Variants in GDAP1L1 observed in about 807,000 individuals in gnomAD.
GDAP1L1 encodes the protein ganglioside-induced differentiation-associated protein 1-like 1.
Under a neutral mutation model 37.1 loss-of-function variants are expected in GDAP1L1, and 21 were observed. That is an observed-to-expected ratio of 0.57 (90% CI 0.40 to 0.81). The LOEUF (loss-of-function observed/expected upper bound fraction) is 0.81, where lower values mean the gene tolerates loss of function less well. GDAP1L1 is among the 40% of genes least tolerant of loss of function. The pLI is 0.00. For synonymous variants in GDAP1L1, 193 were observed against 209.1 expected, an observed-to-expected ratio of 0.92 and a Z score of 0.67; for missense variants, 362 against 491.6, an observed-to-expected ratio of 0.74 and a Z score of 2.49.
chr20:44,259,875 C>T (rs1291968316), intron 3 of GDAP1L1, among the ~76,000 whole-genome samples: 1 of 152,120 alleles, frequency 6.6e-6, no homozygotes, highest in East Asian at 1.9e-4. Context: ...GGGCAGGGGA[C>T]TGGGGACAAA....
chr20:44,261,999 A>G (rs1443080861), intron 3 of GDAP1L1, among the ~76,000 whole-genome samples: 2 of 152,228 alleles, frequency 1.3e-5, no homozygotes, highest in Admixed American at 6.5e-5. Flanking sequence ...ACATATTGGG[A>G]CAGGAACAGT....
chr20:44,260,544 C>T (rs1017803778), intron 3 of GDAP1L1, among the ~76,000 whole-genome samples: 11 of 152,074 alleles, frequency 7.2e-5, no homozygotes, highest in African/African-American at 2.4e-4. Flanking sequence ...CGTTTAAAAA[C>T]GTTTAATCTG....
chr20:44,273,617 C>T (rs965404320), intron 5 of GDAP1L1, among the ~76,000 whole-genome samples: 11 of 152,194 alleles, frequency 7.2e-5, no homozygotes, highest in African/African-American at 2.7e-4. Context: ...ACCTACTCAG[C>T]GCCTTCACCT....
At chr20:44,265,554 C>T in intron 5 of GDAP1L1, 4 of 877,802 alleles carry the variant, frequency 4.6e-6, no homozygotes, top group Non-Finnish European at 5.5e-6. Flanking sequence ...AGAGTTCCAG[C>T]TTTGCTGCCT....
At chr20:44,254,221 C>T (rs1218290374) in intron 1 of GDAP1L1, among the ~76,000 whole-genome samples, 1 of 152,206 alleles carries the variant, frequency 6.6e-6, no homozygotes, top group Non-Finnish European at 1.5e-5. Context: ...ATGGCACACA[C>T]TCACATGTAC....
intron 4 of GDAP1L1, 135 bp from the exon 5 acceptor site, chr20:44,264,310 G>T (rs1191966719): frequency 3.3e-6 from 4 of 1,229,130 alleles, no homozygotes; most frequent in Non-Finnish European, 4.1e-6. Flanking sequence ...TTCATAACGG[G>T]GGGGCATCCT....
At position 44,270,996 on chromosome 20, in the gene GDAP1L1, G is replaced by A. The variant is rs62205983; in HGVS notation, c.760+6437G>A. 1.5e-3 allele frequency among the ~76,000 whole-genome samples: 234 copies of A among 152,254 alleles called. 1 individual carries two copies. The highest frequency in any genetic ancestry group is 4.8e-3 in the African/African-American group (201 of 41,550). On this transcript the variant is annotated intron_variant, in intron 5 of 5. Coordinates refer to ENST00000342560, the MANE Select transcript of GDAP1L1 (RefSeq NM_024034.6). ...TCGCAGCTGAACCAGGCAAGGTCAC[G>A]TGCACTTGTAATTCCAGCTAGTTGG...
intron 5 of GDAP1L1, among the ~76,000 whole-genome samples, chr20:44,276,727 T>C (rs1478616370): frequency 6.6e-6 from 1 of 152,234 alleles, no homozygotes; most frequent in African/African-American, 2.4e-5. Flanking sequence ...GGCACAGTTC[T>C]AGATGCAGAG....
chr20:44,270,209 C>T (rs1409780949), intron 5 of GDAP1L1, among the ~76,000 whole-genome samples: 1 of 121,120 alleles, frequency 8.3e-6, no homozygotes, highest in Non-Finnish European at 1.6e-5. Flanking sequence ...CTCGCTCTGT[C>T]GCCCAGGCTG....
intron 1 of GDAP1L1, among the ~76,000 whole-genome samples, chr20:44,252,598 C>T (rs2073466415): frequency 6.6e-6 from 1 of 152,208 alleles, no homozygotes; most frequent in East Asian, 1.9e-4. Context: ...CGAGATTGCA[C>T]CACTGCACTC....
chr20:44,256,027 TAAAG>T (rs1314543716), intron 1 of GDAP1L1, among the ~76,000 whole-genome samples: 3 of 152,032 alleles, frequency 2.0e-5, no homozygotes, highest in Admixed American at 1.3e-4. Flanking sequence ...CTTAGAAACA[TAAAG>T]AAAGACTCAG....
At position 44,274,883 on chromosome 20, in the gene GDAP1L1, C is replaced by CTTTG. The variant is rs552024449; in HGVS notation, c.761-4055_761-4052dup. Among the ~76,000 whole-genome samples, 655 of 152,110 alleles carry CTTTG rather than the reference C, an allele frequency of 4.3e-3. 5 individuals carry two copies. The highest frequency in any genetic ancestry group is 0.015 in the African/African-American group (602 of 41,484). ...CCCTCGGGGGCCCATCAGGTGTCTT[C>CTTTG]TTTGTTTGTTTGTTTGTTTGTTAGT... On this transcript the variant is annotated intron_variant, in intron 5 of 5. Transcript: ENST00000342560.
intron 1 of GDAP1L1, among the ~76,000 whole-genome samples, chr20:44,256,126 T>C (rs2073537458): frequency 6.6e-6 from 1 of 152,204 alleles, no homozygotes; most frequent in Admixed American, 6.5e-5. Context: ...CTTCCAGTTT[T>C]AAGTCTGCTG....
At chr20:44,258,657 G>T (rs752606108) in intron 3 of GDAP1L1, 50 bp downstream of exon 3, 2 of 1,382,858 alleles carry the variant, frequency 1.4e-6, no homozygotes, top group Non-Finnish European at 2.0e-6. Context: ...CCTTTGCGCC[G>T]CTCCTTTCTT....
intron 5 of GDAP1L1, among the ~76,000 whole-genome samples, chr20:44,266,506 TG>T (rs1374782324): frequency 6.6e-6 from 1 of 152,036 alleles, no homozygotes; most frequent in Non-Finnish European, 1.5e-5. Context: ...TATTCACTTA[TG>T]CATTAGTTTC....
At chr20:44,271,667 G>A (rs1042447965) in intron 5 of GDAP1L1, among the ~76,000 whole-genome samples, 1 of 152,106 alleles carries the variant, frequency 6.6e-6, no homozygotes, top group Admixed American at 6.6e-5. Context: ...GGGGTGACAG[G>A]AGGAATTGTT....
Position 44,258,558 on chromosome 20 carries a change from G to A in GDAP1L1, c.498G>A (p.Glu166=), listed in dbSNP as rs1380342437. The change falls in exon 3 of 6, where the codon GAG becomes GAA. Residue 166 remains glutamate (E), a synonymous_variant. Coordinates refer to ENST00000342560, the MANE Select transcript of GDAP1L1 (RefSeq NM_024034.6). The part of the protein sequence containing the change: ...AYTHGCILHP[E]LTTDSMIPKY... ...CGCATGGCTGCATCCTGCATCCCGAGCTCACCACCGACTCCATGATCCCCA... is the reference window on the plus strand; with the variant it reads ...CGCATGGCTGCATCCTGCATCCCGAACTCACCACCGACTCCATGATCCCCA... The A allele has an allele frequency of 1.9e-6, 3 of 1,596,982 alleles. No homozygotes were observed. Among genetic ancestry groups the A allele is most frequent in the African/African-American group, 1.3e-5 (1 of 74,448 alleles).
intron 5 of GDAP1L1, among the ~76,000 whole-genome samples, chr20:44,276,412 AAAAGAAAGAAAGAAAGAAAGAAAG>A (rs59432514): frequency 1.2e-4 from 14 of 113,390 alleles, no homozygotes; most frequent in East Asian, 5.2e-4. Context: ...AGAAAAAAGA[AAAAGAAAGAAAGAAAGAAAGAAAG>A]AAAGAAAGAA....
At chr20:44,278,379 CT>C (rs1219495169) in intron 5 of GDAP1L1, among the ~76,000 whole-genome samples, 1 of 151,766 alleles carries the variant, frequency 6.6e-6, no homozygotes, top group Non-Finnish European at 1.5e-5. Context: ...CATATTTGCA[CT>C]TTATTTATTT....
Sources: allele counts gnomAD v4.1 joint callset (sites outside exome capture counted in the v4.1 genomes callset), GRCh38; gene constraint gnomAD v4.1.1; transcripts MANE v1.5; gene names NCBI Gene and HGNC (gene_info 2026-07-23, HGNC 2026-07-21).